Variants in TLE4 observed in about 807,000 individuals in gnomAD.
TLE4 encodes transducin-like enhancer protein 4.
TLE4 carries 8 observed loss-of-function variants against 92.8 expected under a neutral mutation model. That is an observed-to-expected ratio of 0.09 (90% CI 0.05 to 0.16). TLE4 has a LOEUF of 0.16. Among genes scored for constraint, TLE4 ranks in the 10% least tolerant of loss-of-function variants. The pLI, the probability that TLE4 is intolerant of heterozygous loss-of-function variation, is 1.00. For missense variants in TLE4, 675 were observed against 997.6 expected (o/e 0.68, Z 4.36); for synonymous variants, 371 against 374.1 (o/e 0.99, Z 0.10).
chr9:79,605,324 T>C (rs1167028891), intron 4 of TLE4, among the ~76,000 whole-genome samples: 1 of 152,156 alleles, frequency 6.6e-6, no homozygotes, highest in Non-Finnish European at 1.5e-5. Flanking sequence ...GTGGTAACAT[T>C]GGTTACAGTG....
chr9:79,632,747 A>G (rs1466980298), intron 6 of TLE4, among the ~76,000 whole-genome samples: 1 of 152,238 alleles, frequency 6.6e-6, no homozygotes, highest in African/African-American at 2.4e-5. Context: ...TATGTAATAC[A>G]GAATGAAATT....
chr9:79,605,875 T>C (rs1210170727), intron 4 of TLE4, among the ~76,000 whole-genome samples: 1 of 152,112 alleles, frequency 6.6e-6, no homozygotes, highest in Non-Finnish European at 1.5e-5. Flanking sequence ...AAGTTGACAT[T>C]GCTTGTGGTA....
At chr9:79,686,680 A>G (rs1438787263) in intron 8 of TLE4, among the ~76,000 whole-genome samples, 1 of 152,220 alleles carries the variant, frequency 6.6e-6, no homozygotes, top group Non-Finnish European at 1.5e-5. Flanking sequence ...TGGAAGAGGC[A>G]AAGAAGCATT....
chr9:79,709,038 GC>G (rs1324606272), intron 13 of TLE4, among the ~76,000 whole-genome samples: 3 of 152,078 alleles, frequency 2.0e-5, no homozygotes, highest in Non-Finnish European at 4.4e-5. Context: ...TCACCATGTT[GC>G]CCAGTCTGGT....
intron 14 of TLE4, among the ~76,000 whole-genome samples, chr9:79,715,869 T>G (rs1204918162): frequency 6.6e-6 from 1 of 152,166 alleles, no homozygotes; most frequent in East Asian, 1.9e-4. Context: ...ATCACCCCTG[T>G]GTCACCTCCA....
intron 6 of TLE4, among the ~76,000 whole-genome samples, chr9:79,648,182 A>G (rs2058390565): frequency 6.6e-6 from 1 of 152,138 alleles, no homozygotes; most frequent in African/African-American, 2.4e-5. Flanking sequence ...TTGCTTTTGG[A>G]ACCAGAGAGT....
intron 6 of TLE4, among the ~76,000 whole-genome samples, chr9:79,646,277 A>G (rs1048859621): frequency 2.6e-5 from 4 of 152,146 alleles, no homozygotes; most frequent in Non-Finnish European, 4.4e-5. Flanking sequence ...ATTAACCCAG[A>G]TGGGGCAGAG....
chr9:79,596,142 G>A (rs746541856), intron 4 of TLE4, among the ~76,000 whole-genome samples: 22 of 152,062 alleles, frequency 1.4e-4, no homozygotes, highest in South Asian at 2.1e-4. Flanking sequence ...AACCGCGCCC[G>A]GCCGTTTAGT....
In TLE4 at chr9:79,573,139, A is replaced by G. The variant is rs1290374693; in HGVS notation, c.45+304A>G. 6 of 694,698 alleles carry G rather than the reference A, an allele frequency of 8.6e-6. No homozygotes were observed. In the South Asian group the frequency reaches 3.4e-4, roughly 39 times the overall value. 43.0% of individuals were successfully genotyped at this position (694,698 alleles called of 1,614,324 possible). On this transcript the variant is annotated intron_variant, in intron 1 of 19. Transcript: ENST00000376552. ...ACTCCTCGAGGGGGGGTGGCGAGCG[A>G]TGAAGGAGGCGCGACTCCGCGCCCG... is the stretch of plus-strand genomic sequence containing the variant.
intron 8 of TLE4, among the ~76,000 whole-genome samples, chr9:79,687,187 A>G (rs2066050025): frequency 6.6e-6 from 1 of 152,134 alleles, no homozygotes; most frequent in East Asian, 1.9e-4. Flanking sequence ...TTGCCCTTGG[A>G]TCCAGCCGTG....
intron 8 of TLE4, among the ~76,000 whole-genome samples, chr9:79,693,268 G>A (rs1477745412): frequency 2.0e-5 from 3 of 152,076 alleles, no homozygotes; most frequent in Non-Finnish European, 2.9e-5. Context: ...CTGCCTGCTA[G>A]CATTGAAAAC....
At chr9:79,709,096 T>C (rs563845394) in intron 13 of TLE4, among the ~76,000 whole-genome samples, 1 of 152,240 alleles carries the variant, frequency 6.6e-6, no homozygotes, top group African/African-American at 2.4e-5. Context: ...GCCTCCCAAA[T>C]TGCTAGGATT....
At position 79,704,767 on chromosome 9, in the gene TLE4, C is replaced by T; in HGVS notation, c.610-16C>T. ...TGATAATTTCTCAACCATGCTTCCT[C>T]TCCTTCTAATTCCAGAGCTCTTCAG... On this transcript the variant is annotated splice_polypyrimidine_tract_variant and intron_variant, in intron 8 of 19. Transcript: ENST00000376552. 1 of 1,603,120 alleles carries T rather than the reference C, an allele frequency of 6.2e-7. No homozygotes were observed. The highest frequency in any genetic ancestry group is 8.5e-7 in the Non-Finnish European group (1 of 1,177,274).
chr9:79,721,957 G>C, intron 17 of TLE4, 69 bp downstream of exon 17: 12 of 1,553,606 alleles, frequency 7.7e-6, no homozygotes, highest in Middle Eastern at 1.7e-4. Flanking sequence ...ACCAGGTCAG[G>C]GAATCGAGAC....
intron 14 of TLE4, among the ~76,000 whole-genome samples, chr9:79,717,540 A>G (rs1171519479): frequency 1.3e-5 from 2 of 152,204 alleles, no homozygotes; most frequent in African/African-American, 4.8e-5. Flanking sequence ...CACAGCCACA[A>G]TGCATGCGTC....
At position 79,573,465 on chromosome 9, in the gene TLE4, G is replaced by T. The variant is rs1012858906; in HGVS notation, c.46-224G>T. 11 of 1,036,068 alleles carry T rather than the reference G, an allele frequency of 1.1e-5. No individual in the cohort carries two copies. In the East Asian group the frequency reaches 3.8e-4, roughly 36 times the overall value. The allele number at this position is 1,036,068 out of a possible 1,614,324, so 64.2% of individuals were successfully genotyped here. On this transcript the variant is annotated intron_variant, in intron 1 of 19. Transcript: ENST00000376552. The stretch of plus-strand genomic sequence containing the variant: ...CTCGAACCCTCGGGGTCCGGGGCGC[G>T]GGGGCCTGCGGGCGGGAGTATGCGG...
chr9:79,592,141 C>G (rs1456145964), intron 4 of TLE4, among the ~76,000 whole-genome samples: 3 of 151,064 alleles, frequency 2.0e-5, no homozygotes, highest in Non-Finnish European at 2.9e-5. Context: ...CTTCTTTCTT[C>G]TTTCTTCTTT....
At chr9:79,715,114 G>A (rs1232315788) in intron 14 of TLE4, among the ~76,000 whole-genome samples, 2 of 152,154 alleles carry the variant, frequency 1.3e-5, no homozygotes, top group Admixed American at 6.6e-5. Context: ...AGTGGTTGTT[G>A]TTGAGGTGAA....
intron 14 of TLE4, among the ~76,000 whole-genome samples, chr9:79,715,437 C>T (rs558774243): frequency 7.6e-4 from 115 of 152,074 alleles, no homozygotes; most frequent in Non-Finnish European, 1.4e-3. Context: ...GAAATCTGGC[C>T]GTCTCCTGAG....
Sources: gnomAD v4.1 joint callset for allele counts (sites outside exome capture counted in the v4.1 genomes callset) on GRCh38, gnomAD v4.1.1 for gene constraint, MANE v1.5 for transcripts, NCBI Gene and HGNC (gene_info 2026-07-23, HGNC 2026-07-21) for gene names.